ZMAT4: variants seen among roughly 807,000 people sequenced by gnomAD.
ZMAT4 encodes the protein zinc finger matrin-type 4, also known as zinc finger matrin-type protein 4.
ZMAT4 carries 17 observed loss-of-function variants against 28.7 expected under a neutral mutation model. That is an observed-to-expected ratio of 0.59 (90% CI 0.41 to 0.89). The LOEUF (loss-of-function observed/expected upper bound fraction) is 0.89. Among genes scored for constraint, ZMAT4 ranks in the 40% least tolerant of loss-of-function variants. The probability of loss-of-function intolerance (pLI) is 0.00; values close to 1 mark genes in which losing one functional copy is unlikely to be tolerated. For missense variants in ZMAT4, 240 were observed against 283.8 expected (o/e 0.85, Z 1.11); for synonymous variants, 117 against 109.2 (o/e 1.07, Z -0.44).
At chr8:40,875,421 T>C (rs1259278227) in intron 1 of ZMAT4, among the ~76,000 whole-genome samples, 1 of 152,012 alleles carries the variant, frequency 6.6e-6, no homozygotes, top group African/African-American at 2.4e-5. Flanking sequence ...ACAGGGGAAT[T>C]GGTTGAAAAG....
chr8:40,555,324 T>G (rs192043776), intron 6 of ZMAT4, among the ~76,000 whole-genome samples: 1 of 152,340 alleles, frequency 6.6e-6, no homozygotes, highest in East Asian at 1.9e-4. Flanking sequence ...TTCCTTTGGA[T>G]GAACACTCAG....
chr8:40,858,278 G>A (rs1384717863), intron 1 of ZMAT4, among the ~76,000 whole-genome samples: 1 of 152,160 alleles, frequency 6.6e-6, no homozygotes, highest in Non-Finnish European at 1.5e-5. Context: ...GGGTGAGGCG[G>A]TGCTCATTTT....
At position 40,785,526 on chromosome 8, in the gene ZMAT4, A is replaced by C. The variant is rs936469407; in HGVS notation, c.103-17796T>G. 5.3e-5 allele frequency among the ~76,000 whole-genome samples: 8 copies of C among 152,328 alleles called. No homozygotes were observed. In the East Asian group the frequency reaches 1.4e-3, roughly 26 times the overall value. On this transcript the variant is annotated intron_variant, in intron 2 of 6. Transcript: ENST00000297737. ...TCAGACTGAAGTTAAAGCAAAGGAAACAGAAGTGTCTGTCAAACTCAGTTC... is the reference window on the plus strand; with the variant it reads ...TCAGACTGAAGTTAAAGCAAAGGAACCAGAAGTGTCTGTCAAACTCAGTTC...
intron 5 of ZMAT4, among the ~76,000 whole-genome samples, chr8:40,586,818 A>G (rs1804684726): frequency 6.6e-6 from 1 of 152,234 alleles, no homozygotes; most frequent in Non-Finnish European, 1.5e-5. Context: ...TATAGAGCTA[A>G]TCAGGGAAAA....
At position 40,781,630 on chromosome 8, in the gene ZMAT4, C is replaced by G. The variant is rs373646275; in HGVS notation, c.103-13900G>C. ...ACAAAAAATTAGCCGGGCGTAGTGGCGGGCGCCTGTAGTCCCAGCTACTTG... is the reference window on the plus strand; with the variant it reads ...ACAAAAAATTAGCCGGGCGTAGTGGGGGGCGCCTGTAGTCCCAGCTACTTG... On this transcript the variant is annotated intron_variant, in intron 2 of 6. Transcript: ENST00000297737. Among the ~76,000 whole-genome samples, 1,309 of 148,818 alleles carry G rather than the reference C, an allele frequency of 8.8e-3. 9 individuals are homozygous for G. The highest frequency in any genetic ancestry group is 0.015 in the Admixed American group (225 of 15,000).
chr8:40,880,085 C>T (rs779279808), intron 1 of ZMAT4, among the ~76,000 whole-genome samples: 9 of 152,168 alleles, frequency 5.9e-5, no homozygotes, highest in Non-Finnish European at 1.0e-4. Flanking sequence ...TGCAGAAATC[C>T]GGCCAGGCAT....
At chr8:40,696,844 T>C (rs566630065) in intron 4 of ZMAT4, among the ~76,000 whole-genome samples, 2 of 152,338 alleles carry the variant, frequency 1.3e-5, no homozygotes, top group Non-Finnish European at 2.9e-5. Context: ...GATGATGTCC[T>C]GCATTATAGA....
intron 4 of ZMAT4, among the ~76,000 whole-genome samples, chr8:40,684,146 C>A (rs932190974): frequency 1.4e-4 from 21 of 151,676 alleles, no homozygotes; most frequent in African/African-American, 5.1e-4. Context: ...ATTTAATAAA[C>A]TTACGTATTA....
intron 5 of ZMAT4, among the ~76,000 whole-genome samples, chr8:40,591,244 A>T (rs979968737): frequency 1.3e-5 from 2 of 152,166 alleles, no homozygotes; most frequent in African/African-American, 4.8e-5. Context: ...AAGAGAAGGA[A>T]GTTCCAGAGT....
chr8:40,750,148 T>A (rs1466370698), intron 3 of ZMAT4, among the ~76,000 whole-genome samples: 1 of 152,208 alleles, frequency 6.6e-6, no homozygotes, highest in Non-Finnish European at 1.5e-5. Context: ...CATGAAGTTA[T>A]AAATGTATCT....
At chr8:40,878,948 G>A (rs1048223105) in intron 1 of ZMAT4, among the ~76,000 whole-genome samples, 2 of 152,216 alleles carry the variant, frequency 1.3e-5, no homozygotes, top group Non-Finnish European at 2.9e-5. Context: ...CTAAAGAAGA[G>A]AGGGCAGCTG....
chr8:40,743,587 G>A (rs998646525), intron 3 of ZMAT4, among the ~76,000 whole-genome samples: 1 of 152,220 alleles, frequency 6.6e-6, no homozygotes. Flanking sequence ...CATGAGTGAC[G>A]CAGGAGGACC....
intron 3 of ZMAT4, among the ~76,000 whole-genome samples, chr8:40,767,164 G>C (rs1813194495): frequency 6.6e-6 from 1 of 152,004 alleles, no homozygotes; most frequent in Non-Finnish European, 1.5e-5. Flanking sequence ...TCAGAGGGAG[G>C]GATCAAGAAG....
intron 1 of ZMAT4, among the ~76,000 whole-genome samples, chr8:40,877,062 G>T (rs1250080369): frequency 6.6e-6 from 1 of 152,154 alleles, no homozygotes; most frequent in African/African-American, 2.4e-5. Context: ...CATTAGGGTG[G>T]GCTGTAATCT....
At chr8:40,667,928 T>G (rs1808497949) in intron 5 of ZMAT4, among the ~76,000 whole-genome samples, 1 of 151,968 alleles carries the variant, frequency 6.6e-6, no homozygotes, top group Non-Finnish European at 1.5e-5. Flanking sequence ...AACCTTGAAC[T>G]TTATGAGAAA....
intron 3 of ZMAT4, among the ~76,000 whole-genome samples, chr8:40,739,495 T>TAAAGA (rs1307349182): frequency 4.5e-4 from 68 of 152,340 alleles, no homozygotes; most frequent in African/African-American, 1.6e-3. Flanking sequence ...GGAAATTCTT[T>TAAAGA]AATTTGGGAT....
intron 5 of ZMAT4, among the ~76,000 whole-genome samples, chr8:40,642,183 G>A (rs1028072094): frequency 6.6e-6 from 1 of 152,052 alleles, no homozygotes; most frequent in African/African-American, 2.4e-5. Context: ...TTGTACGCAG[G>A]TTAAAAGAGT....
chr8:40,759,937 A>G (rs1812857775), intron 3 of ZMAT4, among the ~76,000 whole-genome samples: 1 of 152,144 alleles, frequency 6.6e-6, no homozygotes, highest in South Asian at 2.1e-4. Context: ...TTCAGCTCAT[A>G]AATAATTAAC....
At chr8:40,550,093 G>A (rs1457402800) in intron 6 of ZMAT4, among the ~76,000 whole-genome samples, 1 of 152,028 alleles carries the variant, frequency 6.6e-6, no homozygotes, top group Admixed American at 6.6e-5. Flanking sequence ...TTCCCTATGG[G>A]GAGTAGTCAA....
Sources: gnomAD v4.1 joint callset for allele counts (sites outside exome capture counted in the v4.1 genomes callset) on GRCh38, gnomAD v4.1.1 for gene constraint, MANE v1.5 for transcripts, NCBI Gene and HGNC (gene_info 2026-07-23, HGNC 2026-07-21) for gene names.